ZNF761: variants seen among roughly 807,000 people sequenced by gnomAD.
ZNF761 encodes the protein zinc finger protein 761.
A neutral mutation model predicts 59.9 loss-of-function variants in ZNF761; 43 were observed. The observed-to-expected ratio is 0.72, with a 90% confidence interval of 0.56 to 0.92. ZNF761 has a LOEUF of 0.92. Among genes scored for constraint, ZNF761 ranks in the 40% least tolerant of loss-of-function variants. The pLI is 0.00. For synonymous variants in ZNF761, 294 were observed against 304.8 expected (o/e 0.96, Z 0.37); for missense variants, 850 against 906.1 (o/e 0.94, Z 0.79).
At chr19:53,449,236 A>G (rs2086192826) in intron 3 of ZNF761, among the ~76,000 whole-genome samples, 1 of 152,152 alleles carries the variant, frequency 6.6e-6, no homozygotes, top group African/African-American at 2.4e-5. Flanking sequence ...AGGCTAAGGC[A>G]GGAAAATCGC....
intron 4 of ZNF761, among the ~76,000 whole-genome samples, chr19:53,451,182 A>G (rs972684417): frequency 3.3e-5 from 5 of 152,184 alleles, no homozygotes; most frequent in African/African-American, 9.7e-5. Context: ...ATAACAGTTT[A>G]TGTGTCCTTT....
intron 1 of ZNF761, among the ~76,000 whole-genome samples, chr19:53,434,996 A>G (rs937491046): frequency 6.6e-6 from 1 of 152,118 alleles, no homozygotes; most frequent in Non-Finnish European, 1.5e-5. Context: ...GTTGCTGGGT[A>G]GGTGTGTGTG....
chr19:53,437,283 A>C (rs1250839612), intron 1 of ZNF761, among the ~76,000 whole-genome samples: 1 of 151,496 alleles, frequency 6.6e-6, no homozygotes, highest in African/African-American at 2.4e-5. Context: ...GCACCACTGC[A>C]CTCCAACCTG....
chr19:53,440,584 A>G (rs1047066799), intron 1 of ZNF761, among the ~76,000 whole-genome samples: 3 of 152,170 alleles, frequency 2.0e-5, no homozygotes, highest in African/African-American at 4.8e-5. Context: ...GTTGTGAATT[A>G]CTCTGTTCCC....
Position 53,442,403 on chromosome 19 carries a change from A to G in ZNF761, c.-184-3824A>G. ...CAGCTGAAGAAAAGTACTCTCAAAA[A>G]GAAGACAAATGTGAGGAAGAGATGA... On this transcript the variant is annotated intron_variant, in intron 1 of 4. Transcript: ENST00000684525. 7.3e-6 allele frequency: 7 copies of G among 963,702 alleles called. No homozygotes were observed. The South Asian group carries it at 7.7e-5, about 11-fold the overall frequency. The allele number at this position is 963,702 out of a possible 1,614,324, so 59.7% of individuals were successfully genotyped here.
At chr19:53,447,727 A>G (rs1459238151) in intron 3 of ZNF761, among the ~76,000 whole-genome samples, 1 of 152,220 alleles carries the variant, frequency 6.6e-6, no homozygotes, top group Non-Finnish European at 1.5e-5. Context: ...GCCTGATTTT[A>G]TAATACATTT....
At chr19:53,447,321 C>T (rs2086171319) in intron 3 of ZNF761, 38 bp downstream of exon 3, 1 of 1,610,158 alleles carries the variant, frequency 6.2e-7, no homozygotes, top group African/African-American at 1.3e-5. Context: ...CTGTCTCCTT[C>T]CTTTCAGAAA....
In ZNF761 at chr19:53,442,569, A is replaced by T. The variant is rs2086111924; in HGVS notation, c.-184-3658A>T. ...AGAGGAACACCTCTGTACACAAAGG[A>T]TGCTGGACCAGACTTTGCTTGACCT... On this transcript the variant is annotated intron_variant, in intron 1 of 4. Coordinates refer to ENST00000684525, the MANE Select transcript of ZNF761 (RefSeq NM_001289951.2). 6.0e-6 allele frequency: 4 copies of T among 662,616 alleles called. 1 individual carries two copies. The highest frequency in any genetic ancestry group is 1.1e-5 in the Non-Finnish European group (4 of 361,616). 41.0% of individuals were successfully genotyped at this position (662,616 alleles called of 1,614,324 possible). A position where few individuals can be genotyped will look rare whatever the true frequency, so the allele number is the denominator to read the frequency against.
intron 4 of ZNF761, among the ~76,000 whole-genome samples, chr19:53,453,089 C>T (rs2086235077): frequency 1.3e-5 from 2 of 152,216 alleles, no homozygotes; most frequent in Admixed American, 6.5e-5. Context: ...ACAACCTCCA[C>T]TTCCTGGGTT....
At position 53,449,402 on chromosome 19, in the gene ZNF761, T is replaced by C. The variant is rs560096764; in HGVS notation, c.16-110T>C. On this transcript the variant is annotated intron_variant, in intron 3 of 4. Transcript: ENST00000684525. ...TGAAAAATCCCTTACTCAGATTTGT[T>C]AGAACATTCACTGCATTTAAATCCA... The C allele has an allele frequency of 1.2e-4, 199 of 1,607,228 alleles. 1 individual carries two copies. The African/African-American group carries it at 2.4e-3, about 19-fold the overall frequency.
At chr19:53,442,971 A>G (rs1386416396) in intron 1 of ZNF761, 1 of 298,470 alleles carries the variant, frequency 3.4e-6, no homozygotes, top group Non-Finnish European at 6.5e-6. Context: ...TATATTTTCC[A>G]GTTATTTACC....
At chr19:53,436,732 C>A (rs1419555500) in intron 1 of ZNF761, among the ~76,000 whole-genome samples, 3 of 152,200 alleles carry the variant, frequency 2.0e-5, no homozygotes, top group Non-Finnish European at 4.4e-5. Flanking sequence ...AGAGCCAGTC[C>A]AAACCTGGGG....
rs192398493 is a variant in ZNF761 at position 53,433,467 on chromosome 19, G to A, written c.-185+1439G>A. Among the ~76,000 whole-genome samples, 106 of 30,940 alleles carry A rather than the reference G, an allele frequency of 3.4e-3. 2 individuals carry two copies. Among genetic ancestry groups the A allele is most frequent in the Admixed American group, 4.5e-3 (20 of 4,482 alleles). 20.3% of individuals were successfully genotyped at this position (30,940 alleles called of 152,430 possible). A position where few individuals can be genotyped will look rare whatever the true frequency, so the allele number is the denominator to read the frequency against. On this transcript the variant is annotated intron_variant, in intron 1 of 4. Transcript: ENST00000684525. Reference sequence around the variant, plus strand: ...TCTTTGGCTTCGACTTCGCCAAGTCGAGCTTGCTAGGCAGAGGAAAACTTG... The same window carrying A: ...TCTTTGGCTTCGACTTCGCCAAGTCAAGCTTGCTAGGCAGAGGAAAACTTG...
Position 53,456,270 on chromosome 19 carries a change from G to C in ZNF761, c.1763G>C (p.Ser588Thr). Residue 588 changes from serine (S) to threonine (T), a missense_variant, in exon 5 of 5, where the codon AGT (serine) becomes ACT (threonine). Transcript: ENST00000684525. Reference protein sequence around the residue: ...YKCEDSDKAYSFKSNLEIHQK... With the variant: ...YKCEDSDKAYTFKSNLEIHQK... ...TGTGAAGATAGTGACAAAGCTTACA[G>C]TTTCAAATCAAACCTTGAAATACAT... 6.2e-7 allele frequency: 1 copy of C among 1,613,916 alleles called. No individual in the cohort carries two copies. Among genetic ancestry groups the C allele is most frequent in the Non-Finnish European group, 8.5e-7 (1 of 1,179,948 alleles).
At chr19:53,441,007 C>T (rs576226846) in intron 1 of ZNF761, among the ~76,000 whole-genome samples, 1 of 152,222 alleles carries the variant, frequency 6.6e-6, no homozygotes, top group Non-Finnish European at 1.5e-5. Flanking sequence ...GATATCAAAA[C>T]GTGGTGGCCC....
At chr19:53,440,691 G>A (rs975220150) in intron 1 of ZNF761, among the ~76,000 whole-genome samples, 9 of 53,576 alleles carry the variant, frequency 1.7e-4, no homozygotes, top group African/African-American at 5.3e-4. Context: ...TTAATAATTA[G>A]TATTTTGAGA....
intron 1 of ZNF761, chr19:53,443,944 C>T (rs1291143274): frequency 6.5e-6 from 1 of 152,828 alleles, no homozygotes; most frequent in Non-Finnish European, 1.5e-5. Flanking sequence ...TGTGTTGATT[C>T]AAGGTTTAAT....
chr19:53,456,554 C>A lies in ZNF761; in HGVS notation c.2047C>A (p.Leu683Ile). 1 of 1,611,272 alleles carries A rather than the reference C, an allele frequency of 6.2e-7. No homozygotes were observed. Among genetic ancestry groups the A allele is most frequent in the Non-Finnish European group, 8.5e-7 (1 of 1,178,458 alleles). ...RKSYFICHHRLHTGEKPYKCN... is the reference protein window; with the variant it reads ...RKSYFICHHRIHTGEKPYKCN... ...GTCATATTTTATATGCCATCATAGA[C>A]TTCATACTGGAGAGAAACCTTATAA... Residue 683 changes from leucine (L) to isoleucine (I), a missense_variant, in exon 5 of 5, where the codon CTT (leucine) becomes ATT (isoleucine). Leu to Ile is a conservative substitution (Grantham distance 5). Transcript: ENST00000684525.
intron 4 of ZNF761, among the ~76,000 whole-genome samples, chr19:53,452,516 G>A (rs902721756): frequency 6.6e-6 from 1 of 152,000 alleles, no homozygotes; most frequent in Non-Finnish European, 1.5e-5. Context: ...GGAGAATCAT[G>A]CCACTACACT....
Sources: gnomAD v4.1 joint callset for allele counts (sites outside exome capture counted in the v4.1 genomes callset) on GRCh38, gnomAD v4.1.1 for gene constraint, MANE v1.5 for transcripts, NCBI Gene and HGNC (gene_info 2026-07-23, HGNC 2026-07-21) for gene names.